ANXA2: variants seen among roughly 807,000 people sequenced by gnomAD.
ANXA2 encodes annexin II.
Under a neutral mutation model 47.3 loss-of-function variants are expected in ANXA2, and 28 were observed. The observed-to-expected ratio is 0.59, with a 90% CI of 0.44 to 0.81. The LOEUF (loss-of-function observed/expected upper bound fraction) is 0.81. ANXA2 is among the 40% of genes least tolerant of loss of function. The pLI, the probability that ANXA2 is intolerant of heterozygous loss-of-function variation, is 0.00. For missense variants in ANXA2, 384 were observed against 414.3 expected (o/e 0.93, Z 0.64); for synonymous variants, 172 against 155.5 (o/e 1.11, Z -0.79).
chr15:60,381,652 C>G (rs1171566546), intron 3 of ANXA2, among the ~76,000 whole-genome samples: 2 of 152,144 alleles, frequency 1.3e-5, no homozygotes, highest in African/African-American at 2.4e-5. Flanking sequence ...CTCATTCTGA[C>G]AGCTCTTCTA....
chr15:60,370,418 C>G (rs1171456003), intron 3 of ANXA2, among the ~76,000 whole-genome samples: 1 of 152,224 alleles, frequency 6.6e-6, no homozygotes, highest in East Asian at 1.9e-4. Flanking sequence ...CCACTTAAGT[C>G]ATGTCCTATA....
Position 60,354,156 on chromosome 15 carries a change from G to C in ANXA2, c.586C>G (p.Arg196Gly), listed in dbSNP as rs754133483. Residue 196 changes from arginine to glycine, a missense_variant and splice_region_variant, in exon 8 of 13, where the codon CGG becomes GGG. Coordinates refer to ENST00000451270, the MANE Select transcript of ANXA2 (RefSeq NM_004039.3). ...IDYELIDQDA[R>G]DLYDAGVKRK... is the part of the protein sequence containing the mutation. Reference sequence around the variant, plus strand: ...AAAGCAAAAAGCTCAGCACTTACCCGAGCATCTTGGTCAATCAGTTCATAA... The same window carrying C: ...AAAGCAAAAAGCTCAGCACTTACCCCAGCATCTTGGTCAATCAGTTCATAA... 6.2e-7 allele frequency: 1 copy of C among 1,613,460 alleles called. No individual in the cohort carries two copies. The highest frequency in any genetic ancestry group is 8.5e-7 in the Non-Finnish European group (1 of 1,179,668).
At chr15:60,394,862 C>T (rs535499639) in intron 1 of ANXA2, among the ~76,000 whole-genome samples, 1 of 151,966 alleles carries the variant, frequency 6.6e-6, no homozygotes, top group Non-Finnish European at 1.5e-5. Context: ...CCTCTGGCAA[C>T]AGCAGAAGAA....
At chr15:60,393,141 A>T (rs2063036498) in intron 1 of ANXA2, 1 of 1,276,186 alleles carries the variant, frequency 7.8e-7, no homozygotes, top group Admixed American at 2.4e-5. Flanking sequence ...CGGCCCAGTG[A>T]CCTCGATCAA....
chr15:60,368,500 T>A (rs926356400), intron 3 of ANXA2, among the ~76,000 whole-genome samples: 5 of 152,068 alleles, frequency 3.3e-5, no homozygotes, highest in African/African-American at 1.2e-4. Flanking sequence ...ATGCAGTCAT[T>A]TAAAATGATG....
chr15:60,363,659 A>G (rs1257269878), intron 4 of ANXA2, among the ~76,000 whole-genome samples: 1 of 152,254 alleles, frequency 6.6e-6, no homozygotes, highest in Non-Finnish European at 1.5e-5. Context: ...CCACTAGTGG[A>G]CAAGCAAAGG....
At chr15:60,349,667 G>A (rs956362343) in intron 11 of ANXA2, among the ~76,000 whole-genome samples, 13 of 150,434 alleles carry the variant, frequency 8.6e-5, no homozygotes, top group African/African-American at 2.5e-4. Context: ...TCATGTAACC[G>A]AACACTACTT....
At chr15:60,379,687 A>G (rs2062828634) in intron 3 of ANXA2, among the ~76,000 whole-genome samples, 1 of 152,216 alleles carries the variant, frequency 6.6e-6, no homozygotes, top group South Asian at 2.1e-4. Flanking sequence ...TTCATCTAAG[A>G]TGAATGTTCC....
At chr15:60,390,433 C>T in intron 1 of ANXA2, 1 of 509,062 alleles carries the variant, frequency 2.0e-6, no homozygotes, top group Non-Finnish European at 3.8e-6. Context: ...ACCAACCCCA[C>T]AAAACGGCAC....
intron 7 of ANXA2, among the ~76,000 whole-genome samples, chr15:60,355,055 C>G (rs187653064): frequency 6.6e-6 from 1 of 152,254 alleles, no homozygotes; most frequent in African/African-American, 2.4e-5. Context: ...CAAGGGATGG[C>G]ACAGCACGCT....
intron 3 of ANXA2, among the ~76,000 whole-genome samples, chr15:60,370,557 A>C (rs951279143): frequency 4.6e-5 from 7 of 152,218 alleles, no homozygotes; most frequent in Admixed American, 3.9e-4. Context: ...TGTTCAGTAC[A>C]GGTTGAGGTT....
At chr15:60,382,202 G>A in intron 3 of ANXA2, 140 bp downstream of exon 3, 1 of 605,064 alleles carries the variant, frequency 1.7e-6, no homozygotes, top group Non-Finnish European at 3.0e-6. Context: ...GGCATGGGTT[G>A]AGCTAGGTCT....
chr15:60,371,071 A>G (rs998129704), intron 3 of ANXA2, among the ~76,000 whole-genome samples: 5 of 152,238 alleles, frequency 3.3e-5, no homozygotes, highest in African/African-American at 2.4e-5. Context: ...CAGTTTTCCA[A>G]CATTGGTGAG....
At chr15:60,356,053 A>T in intron 6 of ANXA2, 55 bp from the exon 7 acceptor site, 1 of 1,353,574 alleles carries the variant, frequency 7.4e-7, no homozygotes, top group Non-Finnish European at 1.1e-6. Flanking sequence ...CCAACCATCC[A>T]CCCCAATCTC....
At chr15:60,358,335 G>A (rs1392067186) in intron 5 of ANXA2, among the ~76,000 whole-genome samples, 1 of 152,068 alleles carries the variant, frequency 6.6e-6, no homozygotes. Flanking sequence ...TTCAAAGCTG[G>A]CTTCATGATC....
At chr15:60,366,698 G>C in intron 3 of ANXA2, among the ~76,000 whole-genome samples, 1 of 131,174 alleles carries the variant, frequency 7.6e-6, no homozygotes, top group Non-Finnish European at 1.6e-5. Context: ...CCCCCGCCCG[G>C]CCAGCCGCCC....
intron 10 of ANXA2, chr15:60,351,477 A>C (rs1896010789): frequency 4.9e-6 from 3 of 617,316 alleles, no homozygotes; most frequent in Non-Finnish European, 8.6e-6. Context: ...CCAAGTGCAT[A>C]CGTGAGTTTC....
chr15:60,347,698 G>C lies in ANXA2; in HGVS notation c.961-9C>G. On this transcript the variant is annotated splice_polypyrimidine_tract_variant and intron_variant, in intron 12 of 12. Coordinates refer to ENST00000451270, the MANE Select transcript of ANXA2 (RefSeq NM_004039.3). ...TCGCCCTTAGTGTCTTGCTACAATG[G>C]CCCAGGAAAGAAAAGAAACGTGGTA... The C allele has an allele frequency of 1.2e-6, 2 of 1,613,732 alleles. No homozygotes were observed. Among genetic ancestry groups the C allele is most frequent in the Non-Finnish European group, 1.7e-6 (2 of 1,179,720 alleles).
At chr15:60,390,076 C>G (rs551748475) in intron 1 of ANXA2, 1 of 167,712 alleles carries the variant, frequency 6.0e-6, no homozygotes, top group African/African-American at 2.4e-5. Flanking sequence ...TTCAGATTAT[C>G]TTTACATAAT....
Sources: gnomAD v4.1 joint callset for allele counts (sites outside exome capture counted in the v4.1 genomes callset) on GRCh38, gnomAD v4.1.1 for gene constraint, MANE v1.5 for transcripts, NCBI Gene and HGNC (gene_info 2026-07-23, HGNC 2026-07-21) for gene names.